ABHD12: variants seen among roughly 807,000 people sequenced by gnomAD.
ABHD12 encodes lysophosphatidylserine lipase ABHD12.
ABHD12 carries 43 observed loss-of-function variants against 58.3 expected under a neutral mutation model. The observed-to-expected ratio is 0.74, with a 90% CI of 0.58 to 0.95. The LOEUF (loss-of-function observed/expected upper bound fraction) is 0.95, where lower values mean the gene tolerates loss of function less well. ABHD12 is among the 40% of genes least tolerant of loss of function. The pLI is 0.00. For synonymous variants in ABHD12, 219 were observed against 211.2 expected (o/e 1.04, Z -0.32); for missense variants, 539 against 537.2 (o/e 1.00, Z -0.03).
chr20:25,323,472 T>A (rs761406287), intron 2 of ABHD12, 42 bp from the exon 3 acceptor site: 2 of 1,243,732 alleles, frequency 1.6e-6, no homozygotes, highest in Admixed American at 3.4e-5. Context: ...TACTGGTGGA[T>A]GAATACACAC....
downstream of ABHD12, among the ~76,000 whole-genome samples, chr20:25,295,360 G>C (rs1013937551): frequency 1.3e-5 from 2 of 152,272 alleles, no homozygotes; most frequent in Admixed American, 6.5e-5. Context: ...ATTTAAAGGA[G>C]TGTTGGGTTG....
At chr20:25,370,212 T>C (rs2089882582) in intron 1 of ABHD12, among the ~76,000 whole-genome samples, 1 of 152,128 alleles carries the variant, frequency 6.6e-6, no homozygotes, top group African/African-American at 2.4e-5. Context: ...TGCATCCCAG[T>C]GATTACTGGG....
intron 6 of ABHD12, among the ~76,000 whole-genome samples, chr20:25,314,116 G>A (rs1053690443): frequency 3.9e-5 from 6 of 152,042 alleles, no homozygotes; most frequent in Admixed American, 3.3e-4. Context: ...GGGACTACAG[G>A]TGCGAGCCAT....
At chr20:25,364,539 A>G (rs2089794034) in intron 1 of ABHD12, among the ~76,000 whole-genome samples, 1 of 152,184 alleles carries the variant, frequency 6.6e-6, no homozygotes, top group Non-Finnish European at 1.5e-5. Flanking sequence ...CCAGCCATTC[A>G]TAAGGAATCT....
At position 25,336,067 on chromosome 20, in the gene ABHD12, T is replaced by C. The variant is rs192911272; in HGVS notation, c.316+3160A>G. On this transcript the variant is annotated intron_variant, in intron 2 of 12. Coordinates refer to ENST00000339157, the MANE Select transcript of ABHD12 (RefSeq NM_001042472.3). The stretch of plus-strand genomic sequence containing the variant: ...CCAAGACATGACTTTCACTAAGAGA[T>C]ACCTTCTTGATCTGAAGGCAAATAA... Among the ~76,000 whole-genome samples, 193 of 152,222 alleles carry C rather than the reference T, an allele frequency of 1.3e-3. 1 individual carries two copies. The highest frequency in any genetic ancestry group is 2.4e-3 in the Non-Finnish European group (165 of 68,012).
intron 1 of ABHD12, among the ~76,000 whole-genome samples, chr20:25,380,339 T>C (rs1272403224): frequency 1.3e-5 from 2 of 152,164 alleles, no homozygotes; most frequent in Non-Finnish European, 2.9e-5. Flanking sequence ...TTGGCTAATA[T>C]ATCACATAAC....
chr20:25,367,199 T>C (rs917836645), intron 1 of ABHD12, among the ~76,000 whole-genome samples: 3 of 152,204 alleles, frequency 2.0e-5, no homozygotes, highest in African/African-American at 7.2e-5. Context: ...TAATTTTACA[T>C]CTCTTTAATA....
intron 12 of ABHD12, among the ~76,000 whole-genome samples, chr20:25,301,418 C>T (rs529100806): frequency 1.3e-5 from 2 of 151,568 alleles, no homozygotes; most frequent in African/African-American, 4.8e-5. Flanking sequence ...CTTTTTGGAG[C>T]TGACTGGCAC....
chr20:25,339,550 A>G (rs554891676), intron 1 of ABHD12, 199 bp from the exon 2 acceptor site: 1 of 1,419,372 alleles, frequency 7.0e-7, no homozygotes, highest in South Asian at 1.2e-5. Flanking sequence ...TTGGGCTTAG[A>G]ACTCTACTGG....
At chr20:25,322,411 G>A (rs1174099739) in intron 3 of ABHD12, among the ~76,000 whole-genome samples, 2 of 73,004 alleles carry the variant, frequency 2.7e-5, no homozygotes, top group East Asian at 2.2e-4. Flanking sequence ...CAAGAGTCTC[G>A]CTCTGTTGCC....
chr20:25,365,981 A>G (rs1193345017), intron 1 of ABHD12, among the ~76,000 whole-genome samples: 1 of 152,236 alleles, frequency 6.6e-6, no homozygotes, highest in Non-Finnish European at 1.5e-5. Context: ...TCAAGGCTGT[A>G]GTGAGCTGAG....
intron 1 of ABHD12, among the ~76,000 whole-genome samples, chr20:25,365,955 G>A (rs2089814601): frequency 6.6e-6 from 1 of 152,188 alleles, no homozygotes; most frequent in African/African-American, 2.4e-5. Context: ...TGGGAGGACT[G>A]CTTGAGCCCG....
intron 1 of ABHD12, among the ~76,000 whole-genome samples, chr20:25,347,149 A>C (rs1446281799): frequency 6.6e-6 from 1 of 152,158 alleles, no homozygotes; most frequent in African/African-American, 2.4e-5. Context: ...AAAACTACCT[A>C]ATTTTGAAAC....
chr20:25,314,774 C>G, intron 6 of ABHD12, 151 bp downstream of exon 6: 1 of 872,534 alleles, frequency 1.1e-6, no homozygotes, highest in Non-Finnish European at 1.9e-6. Context: ...ACAGCTCCAT[C>G]AGGGTCTTTG....
chr20:25,339,092 C>A, intron 2 of ABHD12, 135 bp downstream of exon 2: 1 of 1,460,414 alleles, frequency 6.8e-7, no homozygotes, highest in Non-Finnish European at 9.3e-7. Context: ...ATAAACTGTA[C>A]ACTTAAGATA....
exon 13 of ABHD12, chr20:25,294,992 A>C (rs755577947): frequency 1.2e-6 from 2 of 1,614,196 alleles, no homozygotes; most frequent in Non-Finnish European, 1.7e-6. Context: ...CTCTGACCAC[A>C]TGCTGGGATC....
At chr20:25,339,028 T>G in intron 2 of ABHD12, 199 bp downstream of exon 2, 1 of 1,367,216 alleles carries the variant, frequency 7.3e-7, no homozygotes, top group Non-Finnish European at 9.5e-7. Context: ...AAAAGCATTC[T>G]AGTTCTCAAT....
intron 1 of ABHD12, among the ~76,000 whole-genome samples, chr20:25,364,907 G>T (rs779774890): frequency 6.6e-6 from 1 of 152,192 alleles, no homozygotes; most frequent in Non-Finnish European, 1.5e-5. Context: ...AGGTGGAGAT[G>T]GCTAGGAGAC....
At chr20:25,364,219 GAC>G (rs1239832439) in intron 1 of ABHD12, among the ~76,000 whole-genome samples, 1 of 152,182 alleles carries the variant, frequency 6.6e-6, no homozygotes, top group Non-Finnish European at 1.5e-5. Context: ...CTCATGATAA[GAC>G]AATATTCTAG....
Sources: gnomAD v4.1 joint callset for allele counts (sites outside exome capture counted in the v4.1 genomes callset) on GRCh38, gnomAD v4.1.1 for gene constraint, MANE v1.5 for transcripts, NCBI Gene and HGNC (gene_info 2026-07-23, HGNC 2026-07-21) for gene names.